The following GRID2 variants were observed in gnomAD, a reference collection of about 807,000 sequenced individuals.
GRID2 encodes glutamate receptor ionotropic, delta-2.
GRID2 carries 33 observed loss-of-function variants against 114.8 expected under a neutral mutation model. That is an observed-to-expected ratio of 0.29 (90% confidence interval 0.22 to 0.38). GRID2 has a LOEUF of 0.38. GRID2 is among the 10% of genes least tolerant of loss of function. The pLI, the probability that GRID2 is intolerant of heterozygous loss-of-function variation, is 1.00. For missense variants in GRID2, 1,184 were observed against 1,257.7 expected (o/e 0.94, Z 0.89); for synonymous variants, 505 against 449.9 (o/e 1.12, Z -1.55).
intron 1 of GRID2, among the ~76,000 whole-genome samples, chr4:92,433,573 G>T (rs1298249887): frequency 6.6e-6 from 1 of 152,166 alleles, no homozygotes; most frequent in African/African-American, 2.4e-5. Context: ...CAAGCACACA[G>T]ATTCTCTCCC....
Position 93,490,792 on chromosome 4 carries a change from T to C in GRID2, c.1997+15T>C. 1 of 1,583,828 alleles carries C rather than the reference T, an allele frequency of 6.3e-7. No individual in the cohort carries two copies. The highest frequency in any genetic ancestry group is 1.1e-5 in the South Asian group (1 of 89,554). On this transcript the variant is annotated intron_variant, in intron 12 of 15. Coordinates refer to ENST00000282020, the MANE Select transcript of GRID2 (RefSeq NM_001510.4). ...AGTTCCATCCAGTAAGTAAACAATG[T>C]TTCCATTAGCCACAAAATATGAGAA...
intron 8 of GRID2, among the ~76,000 whole-genome samples, chr4:93,248,317 T>C (rs1025045279): frequency 4.6e-5 from 7 of 152,194 alleles, no homozygotes; most frequent in African/African-American, 1.7e-4. Flanking sequence ...GATCTCATTG[T>C]CATGATTTAA....
intron 1 of GRID2, among the ~76,000 whole-genome samples, chr4:92,505,164 G>T (rs935797247): frequency 3.2e-4 from 48 of 151,942 alleles, no homozygotes; most frequent in African/African-American, 9.2e-4. Context: ...TTGCCATTCT[G>T]CTCACAACAT....
chr4:92,444,804 G>A (rs1347654016), intron 1 of GRID2, among the ~76,000 whole-genome samples: 1 of 152,176 alleles, frequency 6.6e-6, no homozygotes, highest in African/African-American at 2.4e-5. Context: ...TTACTTAGAT[G>A]TTTATTTTTG....
intron 1 of GRID2, among the ~76,000 whole-genome samples, chr4:92,556,424 T>A (rs897099191): frequency 5.3e-5 from 8 of 152,196 alleles, no homozygotes; most frequent in Admixed American, 4.6e-4. Context: ...TTATTTGAGA[T>A]GAAAGGCGAT....
Position 92,507,582 on chromosome 4 carries a change from T to G in GRID2, c.89-82549T>G, listed in dbSNP as rs76053712. 7.9e-5 allele frequency among the ~76,000 whole-genome samples: 12 copies of G among 152,066 alleles called. No homozygotes were observed. In the East Asian group the frequency reaches 2.3e-3, roughly 29 times the overall value. On this transcript the variant is annotated intron_variant, in intron 1 of 15. Coordinates refer to ENST00000282020, the MANE Select transcript of GRID2 (RefSeq NM_001510.4). The stretch of plus-strand genomic sequence containing the variant: ...TTTAATTGAATAAAAATTTAAAAAA[T>G]AAAAAATCAGTACAAGAGCTACTTC...
At chr4:93,338,487 A>G (rs1217582408) in intron 8 of GRID2, among the ~76,000 whole-genome samples, 1 of 152,208 alleles carries the variant, frequency 6.6e-6, no homozygotes, top group Non-Finnish European at 1.5e-5. Flanking sequence ...TCAAGAATGT[A>G]GATAACAGTA....
chr4:92,386,557 T>C (rs967609821), intron 1 of GRID2, among the ~76,000 whole-genome samples: 1 of 151,790 alleles, frequency 6.6e-6, no homozygotes, highest in African/African-American at 2.4e-5. Context: ...AAAAATCTTT[T>C]ATGGAGAAAA....
intron 2 of GRID2, among the ~76,000 whole-genome samples, chr4:93,068,732 C>G (rs977875701): frequency 4.0e-5 from 6 of 151,846 alleles, no homozygotes; most frequent in African/African-American, 1.5e-4. Flanking sequence ...AGAGCTTTAC[C>G]TCTTTTCTAT....
At chr4:93,490,909 G>T (rs1726933318) in intron 12 of GRID2, 132 bp downstream of exon 12, 1 of 602,246 alleles carries the variant, frequency 1.7e-6, no homozygotes, top group African/African-American at 1.9e-5. Flanking sequence ...TCAATTTTGT[G>T]TTACTGCAAA....
At chr4:92,899,389 A>G (rs892329896) in intron 2 of GRID2, among the ~76,000 whole-genome samples, 4 of 152,098 alleles carry the variant, frequency 2.6e-5, no homozygotes, top group African/African-American at 7.2e-5. Flanking sequence ...GGCTTCCAAC[A>G]AGGCATATTC....
At chr4:92,461,803 C>G (rs1721510936) in intron 1 of GRID2, among the ~76,000 whole-genome samples, 1 of 151,848 alleles carries the variant, frequency 6.6e-6, no homozygotes, top group Non-Finnish European at 1.5e-5. Context: ...CACAGTGGTT[C>G]TTTTCCAAGG....
chr4:93,388,630 G>A (rs1467599592), intron 8 of GRID2, among the ~76,000 whole-genome samples: 1 of 152,154 alleles, frequency 6.6e-6, no homozygotes, highest in Non-Finnish European at 1.5e-5. Context: ...CACATCCAAA[G>A]TTTGGCCTTT....
intron 12 of GRID2, among the ~76,000 whole-genome samples, chr4:93,514,422 TACACACACACACAC>T (rs56718347): frequency 1.3e-4 from 18 of 139,750 alleles, no homozygotes; most frequent in Non-Finnish European, 2.0e-4. Context: ...ACCTCCACAG[TACACACACACACAC>T]ACACACACAC....
intron 2 of GRID2, among the ~76,000 whole-genome samples, chr4:92,954,229 A>G (rs1719382724): frequency 6.6e-6 from 1 of 151,950 alleles, no homozygotes; most frequent in African/African-American, 2.4e-5. Context: ...AAACATATAC[A>G]CACACATATA....
intron 2 of GRID2, among the ~76,000 whole-genome samples, chr4:92,777,022 T>G (rs1347961779): frequency 6.6e-6 from 1 of 151,962 alleles, no homozygotes; most frequent in African/African-American, 2.4e-5. Flanking sequence ...AACAATAACT[T>G]AAAAAATTGA....
At chr4:93,406,649 A>T (rs1346424156) in intron 9 of GRID2, among the ~76,000 whole-genome samples, 2 of 152,162 alleles carry the variant, frequency 1.3e-5, no homozygotes, top group African/African-American at 4.8e-5. Context: ...TTCAAAAGAA[A>T]ATGTAGAAAG....
At chr4:93,026,909 A>G (rs563257951) in intron 2 of GRID2, among the ~76,000 whole-genome samples, 1 of 152,060 alleles carries the variant, frequency 6.6e-6, no homozygotes, top group African/African-American at 2.4e-5. Flanking sequence ...AAAACTGCCC[A>G]TTTATAGTAG....
intron 8 of GRID2, among the ~76,000 whole-genome samples, chr4:93,281,060 C>T (rs535090331): frequency 1.2e-4 from 18 of 151,646 alleles, no homozygotes; most frequent in Non-Finnish European, 2.4e-4. Context: ...TATATACACA[C>T]ATATATGATA....
Sources: gnomAD v4.1 joint callset for allele counts (sites outside exome capture counted in the v4.1 genomes callset) on GRCh38, gnomAD v4.1.1 for gene constraint, MANE v1.5 for transcripts, NCBI Gene and HGNC (gene_info 2026-07-23, HGNC 2026-07-21) for gene names.